The following PER3 variants were observed in gnomAD, a reference collection of about 807,000 sequenced individuals.
PER3 encodes the protein period circadian regulator 3, also known as period circadian protein homolog 3.
In PER3, 107 loss-of-function variants were observed where a neutral mutation model predicts 127.2. The observed-to-expected ratio is 0.84, with a 90% CI of 0.72 to 0.99. PER3 has a LOEUF of 0.99. Among genes scored for constraint, PER3 ranks in the 50% least tolerant of loss-of-function variants. The pLI is 0.00. For synonymous variants in PER3, 618 were observed against 585.8 expected (o/e 1.05, Z -0.79); for missense variants, 1,560 against 1,525.8 (o/e 1.02, Z -0.37).
At position 7,786,812 on chromosome 1, in the gene PER3, T is replaced by A. The variant is rs1231174337; in HGVS notation, c.366T>A (p.Ala122=). 6.2e-7 allele frequency: 1 copy of A among 1,603,936 alleles called. No homozygotes were observed. The highest frequency in any genetic ancestry group is 1.1e-5 in the South Asian group (1 of 90,862). The change falls in exon 4 of 22, where the codon GCT becomes GCA. Residue 122 remains alanine, a synonymous_variant. Coordinates refer to ENST00000377532, the MANE Select transcript of PER3 (RefSeq NM_001377275.1). ...MYSLEELATI[A]SEHTSKNTDT... The stretch of plus-strand genomic sequence containing the variant: ...GTCTTGAGGAGCTGGCCACTATCGC[T>A]TCAGAACACACTTCCAAAAACACAG...
At chr1:7,816,637 A>G (rs2097252940) in intron 13 of PER3, among the ~76,000 whole-genome samples, 1 of 152,224 alleles carries the variant, frequency 6.6e-6, no homozygotes, top group Admixed American at 6.5e-5. Flanking sequence ...AACACCACAC[A>G]TCTGTGAGAA....
chr1:7,785,422 AT>A lies in PER3; in HGVS notation c.129-10del, dbSNP rs554573019. ...GTTGTCTTCAGAGGATGAAGTTGTA[AT>A]TTTTTTTTATCTTCCAGTGAACAGC... On this transcript the variant is annotated intron_variant, in intron 2 of 21. Coordinates refer to ENST00000377532, the MANE Select transcript of PER3 (RefSeq NM_001377275.1). The A allele has an allele frequency of 3.4e-4, 535 of 1,574,010 alleles. No individual in the cohort carries two copies. The highest frequency in any genetic ancestry group is 6.7e-4 in the Middle Eastern group (4 of 5,988).
intron 13 of PER3, among the ~76,000 whole-genome samples, chr1:7,816,015 A>AAAAAAAAAAAAAAAAAAATTG: frequency 6.7e-6 from 1 of 148,466 alleles, no homozygotes; most frequent in African/African-American, 2.5e-5. Context: ...AAAAAAAAAA[A>AAAAAAAAAAAAAAAAAAATTG]AATTGAATTG....
At chr1:7,790,289 C>G (rs998928707) in intron 5 of PER3, among the ~76,000 whole-genome samples, 1 of 152,166 alleles carries the variant, frequency 6.6e-6, no homozygotes, top group African/African-American at 2.4e-5. Context: ...AGGAAACTTA[C>G]AATCATGGCA....
intron 5 of PER3, among the ~76,000 whole-genome samples, chr1:7,792,359 C>T (rs1310256901): frequency 6.6e-6 from 1 of 152,118 alleles, no homozygotes; most frequent in Non-Finnish European, 1.5e-5. Context: ...TACCTCCCAC[C>T]AGGTCCCTCC....
chr1:7,826,335 T>C lies in PER3; in HGVS notation c.1958-145T>C. ...ATAAAGGAAGACAGAAAATGAAGAATTTCTGTGCTAGGCTAATGAAGATTT... is the reference window on the plus strand; with the variant it reads ...ATAAAGGAAGACAGAAAATGAAGAACTTCTGTGCTAGGCTAATGAAGATTT... On this transcript the variant is annotated intron_variant, in intron 16 of 21. Transcript: ENST00000377532. The surrounding 1 kb of genome is among the most constrained non-coding windows in gnomAD (Gnocchi z 4.2). 1 of 607,720 alleles carries C rather than the reference T, an allele frequency of 1.6e-6. No individual in the cohort carries two copies. The highest frequency in any genetic ancestry group is 3.0e-6 in the Non-Finnish European group (1 of 338,880). 37.6% of individuals were successfully genotyped at this position (607,720 alleles called of 1,614,324 possible).
chr1:7,797,048 ACT>A (rs2097148815), intron 6 of PER3, among the ~76,000 whole-genome samples: 2 of 152,084 alleles, frequency 1.3e-5, no homozygotes, highest in South Asian at 2.1e-4. Flanking sequence ...CCAAGTTGAG[ACT>A]CTATGAGAGT....
intron 20 of PER3, 144 bp from the exon 21 acceptor site, chr1:7,836,855 T>G: frequency 1.9e-6 from 1 of 521,194 alleles, no homozygotes; most frequent in Non-Finnish European, 3.4e-6. Flanking sequence ...AAGGAAATGA[T>G]CTAGTTATTT....
rs2097133773 is a variant in PER3 at position 7,794,010 on chromosome 1, T to TA, written c.644+4dup. ...GAAACCTTTTTTCTGCAGGATCCGG[T>TA]AAGTATAGTGGCTCGTGGAAGCCAG... On this transcript the variant is annotated splice_region_variant and intron_variant, in intron 6 of 21. Coordinates refer to ENST00000377532, the MANE Select transcript of PER3 (RefSeq NM_001377275.1). 6.2e-7 allele frequency: 1 copy of TA among 1,612,416 alleles called. No homozygotes were observed. The highest frequency in any genetic ancestry group is 1.7e-5 in the Admixed American group (1 of 59,998).
At chr1:7,835,660 G>C (rs1345596478) in intron 19 of PER3, 102 bp from the exon 20 acceptor site, 1 of 753,200 alleles carries the variant, frequency 1.3e-6, no homozygotes, top group East Asian at 2.6e-5. Flanking sequence ...TGGGCTGGCT[G>C]AGGAGGAGGA....
intron 5 of PER3, among the ~76,000 whole-genome samples, chr1:7,791,988 G>A (rs2097123894): frequency 6.6e-6 from 1 of 152,156 alleles, no homozygotes; most frequent in Non-Finnish European, 1.5e-5. Context: ...CCTCCAAACT[G>A]TTCCAGTGTC....
At chr1:7,815,281 A>C (rs1344860754) in intron 13 of PER3, among the ~76,000 whole-genome samples, 2 of 152,252 alleles carry the variant, frequency 1.3e-5, no homozygotes, top group East Asian at 1.9e-4. Context: ...ACACTAATTT[A>C]CAAGACTGAA....
chr1:7,794,356 G>A (rs1323305736), intron 6 of PER3, among the ~76,000 whole-genome samples: 1 of 152,078 alleles, frequency 6.6e-6, no homozygotes, highest in East Asian at 1.9e-4. Flanking sequence ...AATTAGACGT[G>A]GTAGTGCACG....
rs534808662 is a variant in PER3 at position 7,795,768 on chromosome 1, G to C, written c.644+1760G>C. On this transcript the variant is annotated intron_variant, in intron 6 of 21. Transcript: ENST00000377532. ...GCTTATTTTCAAAACGTTTTACTTT[G>C]GGAATTTTCAAACATAACACAAAAG... Among the ~76,000 whole-genome samples, 4 of 152,330 alleles carry C rather than the reference G, an allele frequency of 2.6e-5. No individual in the cohort carries two copies. The South Asian group carries it at 8.3e-4, about 32-fold the overall frequency.
intron 1 of PER3, 30 bp from the exon 2 acceptor site, chr1:7,784,624 T>G: frequency 2.7e-6 from 1 of 372,248 alleles, no homozygotes; most frequent in Non-Finnish European, 4.8e-6. Context: ...GTTCCATTTG[T>G]CCCTTGTCAC....
At chr1:7,814,361 A>G (rs2097236688) in intron 13 of PER3, among the ~76,000 whole-genome samples, 1 of 152,246 alleles carries the variant, frequency 6.6e-6, no homozygotes, top group Non-Finnish European at 1.5e-5. Context: ...AAGACAGATT[A>G]CATACAGAGA....
intron 19 of PER3, among the ~76,000 whole-genome samples, chr1:7,832,138 T>C (rs2097334079): frequency 6.6e-6 from 1 of 152,126 alleles, no homozygotes; most frequent in African/African-American, 2.4e-5. Flanking sequence ...ATGTATCTAT[T>C]TTATCTAATT....
Position 7,837,003 on chromosome 1 carries a change from A to G in PER3, c.3403A>G (p.Lys1135Glu). ...LMTYQVPERV[K>E]EVVLKEDLEK... ...ATTCTGTTTGTTTGTTTTCAGGGTT[A>G]AAGAAGTTGTACTAAAAGAAGACCT... Residue 1135 changes from lysine to glutamate, a missense_variant, in exon 21 of 22, where the codon AAA (lysine) becomes GAA (glutamate). Around this residue, in one of 3 missense-constraint regions of PER3, gnomAD observed 199 missense variants for 198.6 expected, o/e 1.00. Transcript: ENST00000377532. 2 of 1,612,214 alleles carry G rather than the reference A, an allele frequency of 1.2e-6. No homozygotes were observed. Among genetic ancestry groups the G allele is most frequent in the Non-Finnish European group, 1.7e-6 (2 of 1,179,066 alleles).
At chr1:7,831,512 G>A (rs1558473989) in intron 19 of PER3, among the ~76,000 whole-genome samples, 2 of 152,128 alleles carry the variant, frequency 1.3e-5, no homozygotes, top group Admixed American at 1.3e-4. Context: ...ATAGACACTT[G>A]CCTGGTTCAC....
Sources: gnomAD v4.1 joint callset for allele counts (sites outside exome capture counted in the v4.1 genomes callset) on GRCh38, gnomAD v4.1.1 for gene constraint, gnomAD v4.1.1 regional missense constraint, Gnocchi (gnomAD v3.1) non-coding constraint, MANE v1.5 for transcripts, NCBI Gene and HGNC (gene_info 2026-07-23, HGNC 2026-07-21) for gene names.